Variants in CA8 observed in about 807,000 individuals in gnomAD.
The protein encoded by CA8 is carbonic anhydrase 8 (inactive).
A neutral mutation model predicts 41.4 loss-of-function variants in CA8; 22 were observed. That is an observed-to-expected ratio of 0.53 (90% confidence interval 0.38 to 0.76). The LOEUF is 0.76. CA8 is among the 30% of genes least tolerant of loss of function. The pLI is 0.00. For synonymous variants in CA8, 121 were observed against 130.6 expected, an observed-to-expected ratio of 0.93 and a Z score of 0.50; for missense variants, 270 against 352.8, an observed-to-expected ratio of 0.77 and a Z score of 1.88.
Position 60,269,266 on chromosome 8 carries a change from G to T in CA8, c.293-3217C>A, listed in dbSNP as rs186227205. On this transcript the variant is annotated intron_variant, in intron 2 of 8. Transcript: ENST00000317995. ...TTAAATAAAAAAACAAATCATCTCAGAAGGGGTAGCCTTTTCCTACATTTA... is the reference window on the plus strand; with the variant it reads ...TTAAATAAAAAAACAAATCATCTCATAAGGGGTAGCCTTTTCCTACATTTA... Among the ~76,000 whole-genome samples, 14 of 152,240 alleles carry T rather than the reference G, an allele frequency of 9.2e-5. No individual in the cohort carries two copies. In the East Asian group the frequency reaches 2.7e-3, roughly 29 times the overall value.
chr8:60,262,230 A>C (rs1252270202), intron 3 of CA8, among the ~76,000 whole-genome samples: 1 of 151,920 alleles, frequency 6.6e-6, no homozygotes, highest in Non-Finnish European at 1.5e-5. Context: ...TGAACCTGTG[A>C]GCCTAAATAC....
chr8:60,257,257 C>T (rs1338156527), intron 3 of CA8, among the ~76,000 whole-genome samples: 1 of 152,130 alleles, frequency 6.6e-6, no homozygotes, highest in Non-Finnish European at 1.5e-5. Context: ...GGATTAAAAG[C>T]GTGAGCCACT....
chr8:60,274,988 A>G (rs1310134700), intron 2 of CA8, among the ~76,000 whole-genome samples: 2 of 152,194 alleles, frequency 1.3e-5, no homozygotes, highest in African/African-American at 4.8e-5. Flanking sequence ...AGGCATGATG[A>G]TGAGATCCCT....
intron 3 of CA8, among the ~76,000 whole-genome samples, chr8:60,244,478 T>C (rs1808151367): frequency 6.6e-6 from 1 of 152,232 alleles, no homozygotes; most frequent in South Asian, 2.1e-4. Flanking sequence ...TATTATGTAT[T>C]AACTATTTCA....
At chr8:60,215,747 T>C (rs1256439127) in intron 7 of CA8, among the ~76,000 whole-genome samples, 1 of 152,154 alleles carries the variant, frequency 6.6e-6, no homozygotes, top group African/African-American at 2.4e-5. Flanking sequence ...AGAATTCCTA[T>C]TAATAGTACT....
intron 3 of CA8, among the ~76,000 whole-genome samples, chr8:60,248,097 T>TG (rs1035633100): frequency 2.7e-4 from 35 of 128,040 alleles, no homozygotes; most frequent in African/African-American, 8.2e-4. Context: ...GTTTTTGATG[T>TG]TTTTTTTTTT....
intron 6 of CA8, among the ~76,000 whole-genome samples, chr8:60,223,662 C>T (rs544214969): frequency 6.6e-6 from 1 of 152,126 alleles, no homozygotes; most frequent in Non-Finnish European, 1.5e-5. Flanking sequence ...AATCATATTA[C>T]AATAAAACAA....
intron 7 of CA8, among the ~76,000 whole-genome samples, chr8:60,217,315 G>C (rs1344219340): frequency 1.3e-5 from 2 of 152,188 alleles, no homozygotes; most frequent in Admixed American, 6.5e-5. Flanking sequence ...ATCTCTCCTT[G>C]TGGCTAAATC....
intron 3 of CA8, among the ~76,000 whole-genome samples, chr8:60,234,703 G>A (rs532119811): frequency 2.0e-5 from 3 of 152,180 alleles, no homozygotes; most frequent in South Asian, 4.1e-4. Flanking sequence ...GCTCTCCCAC[G>A]CATCCTTCAC....
chr8:60,231,948 T>C (rs1264205638), intron 4 of CA8, among the ~76,000 whole-genome samples: 1 of 152,332 alleles, frequency 6.6e-6, no homozygotes, highest in South Asian at 2.1e-4. Flanking sequence ...ATTTTTTTTG[T>C]AGATTTTTCT....
chr8:60,200,680 AT>A (rs1338740667), intron 8 of CA8, among the ~76,000 whole-genome samples: 2 of 152,108 alleles, frequency 1.3e-5, no homozygotes, highest in Non-Finnish European at 2.9e-5. Flanking sequence ...TAGCTCAGAT[AT>A]TTAAATAAAA....
intron 2 of CA8, among the ~76,000 whole-genome samples, chr8:60,270,657 C>A (rs910647675): frequency 6.6e-6 from 1 of 152,154 alleles, no homozygotes; most frequent in African/African-American, 2.4e-5. Flanking sequence ...CTCAAGTGAG[C>A]CACCTGCCTT....
At chr8:60,276,418 T>G (rs993198066) in intron 2 of CA8, among the ~76,000 whole-genome samples, 2 of 152,106 alleles carry the variant, frequency 1.3e-5, no homozygotes, top group Non-Finnish European at 1.5e-5. Flanking sequence ...TAAGAGAAGA[T>G]CCGTCATATG....
In CA8 at chr8:60,222,291, G is replaced by A. The variant is rs530385547; in HGVS notation, c.738+358C>T. 2.6e-4 allele frequency among the ~76,000 whole-genome samples: 39 copies of A among 152,272 alleles called. 1 individual carries two copies. The South Asian group carries it at 7.9e-3, about 31-fold the overall frequency. On this transcript the variant is annotated intron_variant, in intron 7 of 8. Coordinates refer to ENST00000317995, the MANE Select transcript of CA8 (RefSeq NM_004056.6). ...CACACCAAGGCAAAACTATTTCAAA[G>A]CCTATGAGTGACTTACAGAAATAAC...
intron 3 of CA8, among the ~76,000 whole-genome samples, chr8:60,240,372 T>C (rs1585892104): frequency 1.3e-5 from 2 of 152,284 alleles, no homozygotes; most frequent in East Asian, 3.9e-4. Flanking sequence ...AATCAGCCTA[T>C]AAGGTAGGCA....
chr8:60,206,414 G>A (rs1806582110), intron 8 of CA8, among the ~76,000 whole-genome samples: 1 of 152,112 alleles, frequency 6.6e-6, no homozygotes. Context: ...TTTAGAGAAT[G>A]GCAACTCTGG....
At chr8:60,262,970 CA>C (rs1803781985) in intron 3 of CA8, among the ~76,000 whole-genome samples, 1 of 152,086 alleles carries the variant, frequency 6.6e-6, no homozygotes, top group Non-Finnish European at 1.5e-5. Flanking sequence ...CTGGGAGTAT[CA>C]AAAATCTCTT....
chr8:60,280,870 T>C lies in CA8; in HGVS notation c.100+178A>G, dbSNP rs952430236. On this transcript the variant is annotated intron_variant, in intron 1 of 8. Coordinates refer to ENST00000317995, the MANE Select transcript of CA8 (RefSeq NM_004056.6). Reference sequence around the variant, plus strand: ...AGCGCAGGCGGCGAGCACGCCTCCCTGGAGCGCCTCCCGCCCGAAACGCAC... The same window carrying C: ...AGCGCAGGCGGCGAGCACGCCTCCCCGGAGCGCCTCCCGCCCGAAACGCAC... Among the ~76,000 whole-genome samples the C allele has an allele frequency of 2.6e-5, 4 of 151,998 alleles. No individual in the cohort carries two copies. The South Asian group carries it at 6.2e-4, about 24-fold the overall frequency.
chr8:60,209,018 A>G, intron 7 of CA8, 99 bp from the exon 8 acceptor site: 1 of 1,262,484 alleles, frequency 7.9e-7, no homozygotes, highest in South Asian at 1.3e-5. Flanking sequence ...ATAAATTACA[A>G]GAATTATTGA....
Sources: allele counts gnomAD v4.1 joint callset (sites outside exome capture counted in the v4.1 genomes callset), GRCh38; gene constraint gnomAD v4.1.1; transcripts MANE v1.5; gene names NCBI Gene and HGNC (gene_info 2026-07-23, HGNC 2026-07-21).